Variants in CDC14A observed in about 807,000 individuals in gnomAD.
The protein encoded by CDC14A is cell division cycle 14A, also known as dual specificity protein phosphatase CDC14A.
Under a neutral mutation model 74.4 loss-of-function variants are expected in CDC14A, and 53 were observed. The observed-to-expected ratio is 0.71, with a 90% CI of 0.57 to 0.89. The LOEUF is 0.89. Among genes scored for constraint, CDC14A ranks in the 40% least tolerant of loss-of-function variants. CDC14A has a pLI of 0.00. For synonymous variants in CDC14A, 247 were observed against 258.4 expected (o/e 0.96, Z 0.43); for missense variants, 646 against 713.7 (o/e 0.91, Z 1.08).
At chr1:100,515,135 T>G (rs1557843235) in intron 15 of CDC14A, among the ~76,000 whole-genome samples, 1 of 152,174 alleles carries the variant, frequency 6.6e-6, no homozygotes, top group African/African-American at 2.4e-5. Context: ...CTGTCTAAGA[T>G]TTGAAATGGA....
chr1:100,351,886 A>G, upstream of CDC14A: 1 of 1,297,650 alleles, frequency 7.7e-7, no homozygotes, highest in Non-Finnish European at 1.1e-6. Flanking sequence ...TTTTATAAAG[A>G]TGCAGACCCC....
At chr1:100,498,904 C>T (rs900790608) in intron 14 of CDC14A, 25 bp from the exon 15 acceptor site, 2 of 1,588,380 alleles carry the variant, frequency 1.3e-6, no homozygotes, top group African/African-American at 1.4e-5. Flanking sequence ...TGTTTTTTCC[C>T]TCCTCACTTG....
In CDC14A at chr1:100,353,038, T is replaced by C. The variant is rs769249801; in HGVS notation, c.49+35T>C. 61 of 1,610,468 alleles carry C rather than the reference T, an allele frequency of 3.8e-5. 1 individual carries two copies. The highest frequency in any genetic ancestry group is 1.7e-4 in the Middle Eastern group (1 of 5,980). ...AGCCGCCCCGCATCTTCCAACGCTT[T>C]CTTGCCCCCAACTCTTCACTTCCCG... is the stretch of plus-strand genomic sequence containing the variant. On this transcript the variant is annotated intron_variant, in intron 1 of 15. Coordinates refer to ENST00000336454, the MANE Select transcript of CDC14A (RefSeq NM_003672.4).
chr1:100,386,507 C>T (rs1202194850), intron 3 of CDC14A, among the ~76,000 whole-genome samples: 1 of 152,108 alleles, frequency 6.6e-6, no homozygotes, highest in East Asian at 1.9e-4. Context: ...CAAGTGTTCT[C>T]CTTGAAGGGC....
chr1:100,393,769 C>T, intron 4 of CDC14A: 1 of 311,232 alleles, frequency 3.2e-6, no homozygotes, highest in Non-Finnish European at 6.3e-6. Context: ...TCCTGACCAA[C>T]ATGTCTCTAC....
At chr1:100,503,656 T>C (rs553195872) in intron 15 of CDC14A, among the ~76,000 whole-genome samples, 2 of 152,372 alleles carry the variant, frequency 1.3e-5, no homozygotes, top group East Asian at 1.9e-4. Flanking sequence ...CCTCTTTTGC[T>C]AGTCTTGCAG....
At chr1:100,404,691 G>A (rs560152654) in intron 4 of CDC14A, among the ~76,000 whole-genome samples, 10 of 152,206 alleles carry the variant, frequency 6.6e-5, no homozygotes, top group Admixed American at 1.3e-4. Context: ...TTAGCTGGGC[G>A]TGGTGGAAGG....
chr1:100,391,924 C>T lies in CDC14A; in HGVS notation c.309+1100C>T, dbSNP rs140483445. On this transcript the variant is annotated intron_variant, in intron 4 of 15. Coordinates refer to ENST00000336454, the MANE Select transcript of CDC14A (RefSeq NM_003672.4). ...GCTGCAATAAACCCTTGGCCTACCC[C>T]TTGTGGCAGCATTCTTTCTTGCTCT... Among the ~76,000 whole-genome samples the T allele has an allele frequency of 7.3e-4, 111 of 152,350 alleles. 2 individuals are homozygous for T. In the East Asian group the frequency reaches 0.014, roughly 19 times the overall value.
intron 2 of CDC14A, among the ~76,000 whole-genome samples, chr1:100,366,935 C>T (rs531406380): frequency 7.9e-5 from 12 of 152,204 alleles, no homozygotes; most frequent in Admixed American, 3.9e-4. Flanking sequence ...TGGAGATGAA[C>T]GCACGGGTAC....
At chr1:100,387,752 T>C (rs1657074613) in intron 3 of CDC14A, among the ~76,000 whole-genome samples, 1 of 152,224 alleles carries the variant, frequency 6.6e-6, no homozygotes, top group African/African-American at 2.4e-5. Flanking sequence ...CTCAGAGTTC[T>C]GTCCTTTAGT....
chr1:100,364,648 C>T (rs1653321486), intron 2 of CDC14A, among the ~76,000 whole-genome samples: 1 of 152,210 alleles, frequency 6.6e-6, no homozygotes, highest in African/African-American at 2.4e-5. Flanking sequence ...TTTGCATATA[C>T]TGTCTGTATA....
intron 4 of CDC14A, chr1:100,392,991 C>G: frequency 8.1e-7 from 1 of 1,240,636 alleles, no homozygotes; most frequent in Non-Finnish European, 1.1e-6. Context: ...GTTCAGATGC[C>G]TTTTGTGAGA....
chr1:100,476,749 A>T (rs571739054), intron 10 of CDC14A, among the ~76,000 whole-genome samples: 7 of 152,196 alleles, frequency 4.6e-5, no homozygotes, highest in Admixed American at 3.3e-4. Flanking sequence ...AATTTTCGGC[A>T]TGAAATCTGC....
At chr1:100,374,317 A>G (rs1203268496) in intron 2 of CDC14A, among the ~76,000 whole-genome samples, 1 of 152,136 alleles carries the variant, frequency 6.6e-6, no homozygotes, top group Non-Finnish European at 1.5e-5. Context: ...TTGGGTATAT[A>G]CCCAGTAATG....
chr1:100,406,634 G>A (rs967202459), intron 4 of CDC14A, among the ~76,000 whole-genome samples: 1 of 152,034 alleles, frequency 6.6e-6, no homozygotes, highest in Non-Finnish European at 1.5e-5. Flanking sequence ...TATTAAAAAG[G>A]CTGTTCTGGC....
chr1:100,417,065 C>T (rs1661621819), intron 4 of CDC14A, among the ~76,000 whole-genome samples: 1 of 152,180 alleles, frequency 6.6e-6, no homozygotes, highest in Non-Finnish European at 1.5e-5. Flanking sequence ...CTTGGGGAGA[C>T]AGGCTCAATC....
At chr1:100,485,311 A>T in intron 11 of CDC14A, 1 of 984,902 alleles carries the variant, frequency 1.0e-6, no homozygotes, top group African/African-American at 1.7e-5. Flanking sequence ...AGGTCTTTCT[A>T]CCACGTTATA....
At chr1:100,491,100 CAG>C (rs759745709) in intron 11 of CDC14A, among the ~76,000 whole-genome samples, 1 of 152,044 alleles carries the variant, frequency 6.6e-6, no homozygotes, top group Non-Finnish European at 1.5e-5. Context: ...TGATGAAAGA[CAG>C]AGAACAGCCT....
rs1462442658 is a variant in CDC14A, at chr1:100,352,786, C to A, written c.-169C>A. ...CTCGGAATGTCCCCGGGGCGCCCGG[C>A]GCGCTGACCCCGAAGCCGCCTCCGC... On this transcript the variant is annotated 5_prime_UTR_variant, in exon 1 of 16. Transcript: ENST00000336454. 2.8e-6 allele frequency: 4 copies of A among 1,424,722 alleles called. No individual in the cohort carries two copies. The highest frequency in any genetic ancestry group is 1.5e-5 in the African/African-American group (1 of 67,864). 88.3% of individuals were successfully genotyped at this position (1,424,722 alleles called of 1,614,324 possible).
Sources: allele counts gnomAD v4.1 joint callset (sites outside exome capture counted in the v4.1 genomes callset), GRCh38; gene constraint gnomAD v4.1.1; transcripts MANE v1.5; gene names NCBI Gene and HGNC (gene_info 2026-07-23, HGNC 2026-07-21).